USH1C: variants seen among roughly 807,000 people sequenced by gnomAD.
USH1C encodes the protein harmonin.
In USH1C, 90 loss-of-function variants were observed where a neutral mutation model predicts 119.3. The ratio of observed to expected loss-of-function variants is 0.75; its 90% CI spans 0.64 to 0.90. The LOEUF is 0.90. Ranked by LOEUF, USH1C falls within the 40% of genes least tolerant of loss-of-function variation. The pLI is 0.00. For synonymous variants in USH1C, 465 were observed against 443.3 expected, an observed-to-expected ratio of 1.05 and a Z score of -0.62; for missense variants, 1,165 against 1,167.7, an observed-to-expected ratio of 1.00 and a Z score of 0.03.
intron 15 of USH1C, among the ~76,000 whole-genome samples, chr11:17,513,930 G>A (rs1850020007): frequency 6.6e-6 from 1 of 152,244 alleles, no homozygotes; most frequent in African/African-American, 2.4e-5. Flanking sequence ...AGTCATATCT[G>A]TACAGATGCA....
chr11:17,502,822 C>T (rs1281000757), intron 20 of USH1C, among the ~76,000 whole-genome samples: 1 of 152,156 alleles, frequency 6.6e-6, no homozygotes, highest in Non-Finnish European at 1.5e-5. Flanking sequence ...GGCTGAGGGG[C>T]CAGGATGCTA....
chr11:17,525,282 C>T (rs77882059), intron 8 of USH1C, among the ~76,000 whole-genome samples: 2,225 of 152,270 alleles, frequency 0.015, 67 homozygotes, highest in African/African-American at 0.049. Flanking sequence ...TCCCTATCAC[C>T]CTATATTATA....
chr11:17,537,710 G>C (rs890914747), intron 1 of USH1C, among the ~76,000 whole-genome samples: 3 of 152,190 alleles, frequency 2.0e-5, no homozygotes, highest in African/African-American at 4.8e-5. Flanking sequence ...CTCTTCTAGA[G>C]TCTGGAGCCT....
intron 14 of USH1C, among the ~76,000 whole-genome samples, chr11:17,519,780 T>A (rs1850333125): frequency 6.6e-6 from 1 of 152,186 alleles, no homozygotes; most frequent in Admixed American, 6.5e-5. Flanking sequence ...TGGGAGCTGT[T>A]TGACTGCACC....
rs1851000284 is a variant in USH1C at position 17,531,819 on chromosome 11, C to T, written c.105-277G>A. Among the ~76,000 whole-genome samples, 1 of 152,196 alleles carries T rather than the reference C, an allele frequency of 6.6e-6. No homozygotes were observed. Among genetic ancestry groups the T allele is most frequent in the African/African-American group, 2.4e-5 (1 of 41,444 alleles). On this transcript the variant is annotated intron_variant, in intron 2 of 26. Transcript: ENST00000005226. This position sits in a 1 kb window ranked among gnomAD's most constrained non-coding sequence, Gnocchi z 4.2. ...TCAAACTCAGCGCTGCCTATCTCGG[C>T]TGTTGGGATCTTTCCAGAGGGGAAA... is the stretch of plus-strand genomic sequence containing the variant.
At position 17,544,356 on chromosome 11, in the gene USH1C, G is replaced by T; in HGVS notation, c.-49C>A. On this transcript the variant is annotated 5_prime_UTR_variant, in exon 1 of 27. Coordinates refer to ENST00000005226, the MANE Select transcript of USH1C (RefSeq NM_153676.4). ...CGTTGCACGACCCGTTCCTTCGGGT[G>T]CCCGGCTGCCAGGAGCTGGAAAGAG... 6 of 1,612,690 alleles carry T rather than the reference G, an allele frequency of 3.7e-6. No individual in the cohort carries two copies. The highest frequency in any genetic ancestry group is 5.1e-6 in the Non-Finnish European group (6 of 1,179,286).
chr11:17,509,839 C>G lies in USH1C; in HGVS notation c.1531-1G>C. On this transcript the variant is annotated splice_acceptor_variant, in intron 17 of 26. Coordinates refer to ENST00000005226, the MANE Select transcript of USH1C (RefSeq NM_153676.4). LOFTEE classifies it high-confidence loss of function. Reference sequence around the variant, plus strand: ...GGGGAGGCGGGGGCCCTGTGGTCATCTGGGGGTGTTGCAAGGAAGTTCTGT... The same window carrying G: ...GGGGAGGCGGGGGCCCTGTGGTCATGTGGGGGTGTTGCAAGGAAGTTCTGT... 6.3e-7 allele frequency: 1 copy of G among 1,591,984 alleles called. No homozygotes were observed. The highest frequency in any genetic ancestry group is 1.3e-5 in the African/African-American group (1 of 74,924).
rs1253861271 is a variant in USH1C at position 17,534,252 on chromosome 11, G to A, written c.37-930C>T. 4.6e-5 allele frequency among the ~76,000 whole-genome samples: 7 copies of A among 152,316 alleles called. No individual in the cohort carries two copies. In the South Asian group the frequency reaches 6.2e-4, roughly 14 times the overall value. ...GAAGCTGCATGCTCTCCACTGACTC[G>A]TCCTCAGAAGAGGGCCAGAGCAGCG... is the stretch of plus-strand genomic sequence containing the variant. On this transcript the variant is annotated intron_variant, in intron 1 of 26. Transcript: ENST00000005226.
At chr11:17,538,479 G>C (rs754915435) in intron 1 of USH1C, among the ~76,000 whole-genome samples, 2 of 152,188 alleles carry the variant, frequency 1.3e-5, no homozygotes, top group Non-Finnish European at 2.9e-5. Context: ...TGTGCACCCA[G>C]CCAAACAGGG....
At chr11:17,528,027 A>G (rs1454008273) in intron 4 of USH1C, among the ~76,000 whole-genome samples, 4 of 152,208 alleles carry the variant, frequency 2.6e-5, no homozygotes, top group Non-Finnish European at 5.9e-5. Flanking sequence ...ATTATTAGCT[A>G]TATGACCTTG....
In USH1C at chr11:17,510,402, T is replaced by C; in HGVS notation, c.1530+3A>G. 1 of 1,610,108 alleles carries C rather than the reference T, an allele frequency of 6.2e-7. No homozygotes were observed. On this transcript the variant is annotated splice_donor_region_variant and intron_variant, in intron 17 of 26. Coordinates refer to ENST00000005226, the MANE Select transcript of USH1C (RefSeq NM_153676.4). ...GTCTATGTGGAAAGAAGGGCTCTGT[T>C]ACCTCTGAAATCTCATTATCAGCAG...
At position 17,509,166 on chromosome 11, in the gene USH1C, C is replaced by T. The variant is rs1014526395; in HGVS notation, c.2013+190G>A. 1.4e-4 allele frequency among the ~76,000 whole-genome samples: 22 copies of T among 152,192 alleles called. 1 individual carries two copies. Among genetic ancestry groups the T allele is most frequent in the Admixed American group, 3.9e-4 (6 of 15,288 alleles). ...CCATTCACCATACAATACAGCACTT[C>T]AAAATCAGTGAGAACCACCATATAC... On this transcript the variant is annotated intron_variant, in intron 18 of 26. Transcript: ENST00000005226.
intron 1 of USH1C, among the ~76,000 whole-genome samples, chr11:17,534,315 A>G (rs1851138637): frequency 6.6e-6 from 1 of 152,196 alleles, no homozygotes. Context: ...GTTCTGGAAG[A>G]CCGGGGCAGT....
chr11:17,513,149 C>T (rs570474968), intron 15 of USH1C, among the ~76,000 whole-genome samples: 7 of 152,264 alleles, frequency 4.6e-5, no homozygotes, highest in South Asian at 2.1e-4. Context: ...CCTGAGTCTT[C>T]GAGGTCCTAG....
At chr11:17,506,304 C>T (rs1402799279) in intron 18 of USH1C, among the ~76,000 whole-genome samples, 2 of 152,196 alleles carry the variant, frequency 1.3e-5, no homozygotes, top group Non-Finnish European at 2.9e-5. Context: ...AGGGCTGTCT[C>T]TTTGGCCACA....
chr11:17,542,779 T>C (rs561566647), intron 1 of USH1C, among the ~76,000 whole-genome samples: 1 of 152,240 alleles, frequency 6.6e-6, no homozygotes, highest in Non-Finnish European at 1.5e-5. Context: ...GCCTGAAATC[T>C]ACACTCACAA....
At chr11:17,514,911 T>A (rs1209219256) in intron 15 of USH1C, among the ~76,000 whole-genome samples, 1 of 152,142 alleles carries the variant, frequency 6.6e-6, no homozygotes, top group Non-Finnish European at 1.5e-5. Flanking sequence ...CAACAGCACT[T>A]TCAAGGACAT....
chr11:17,496,782 G>A lies in USH1C; in HGVS notation c.2522C>T (p.Pro841Leu). ...DWIDLVVAVCPPKEYDDELAS... is the reference protein window; with the variant it reads ...DWIDLVVAVCLPKEYDDELAS... Reference sequence around the variant, plus strand: ...CAGCTCATCGTCATACTCCTTTGGGGGGCAGACGGCAACCACAAGGTCGAT... The same window carrying A: ...CAGCTCATCGTCATACTCCTTTGGGAGGCAGACGGCAACCACAAGGTCGAT... Residue 841 changes from proline (P) to leucine (L), a missense_variant, in exon 25 of 27, where the codon CCC becomes CTC. Physicochemically the swap from Pro to Leu is moderately conservative, Grantham distance 98. Transcript: ENST00000005226. The A allele has an allele frequency of 3.7e-6, 6 of 1,614,202 alleles. No individual in the cohort carries two copies. The highest frequency in any genetic ancestry group is 3.3e-4 in the Middle Eastern group (2 of 6,062).
In USH1C at chr11:17,527,048, A is replaced by G; in HGVS notation, c.497-8T>C. On this transcript the variant is annotated splice_polypyrimidine_tract_variant and splice_region_variant and intron_variant, in intron 5 of 26. Coordinates refer to ENST00000005226, the MANE Select transcript of USH1C (RefSeq NM_153676.4). ...CGGGGATCAGGCCGATGTCTGCGGGAGAAAGGCACAGGGGTTAGGACAGCT... is the reference window on the plus strand; with the variant it reads ...CGGGGATCAGGCCGATGTCTGCGGGGGAAAGGCACAGGGGTTAGGACAGCT... The G allele has an allele frequency of 6.4e-7, 1 of 1,553,216 alleles. No homozygotes were observed. The highest frequency in any genetic ancestry group is 8.7e-7 in the Non-Finnish European group (1 of 1,147,928).
Sources: allele counts gnomAD v4.1 joint callset (sites outside exome capture counted in the v4.1 genomes callset), GRCh38; gene constraint gnomAD v4.1.1; non-coding constraint Gnocchi (gnomAD v3.1); transcripts MANE v1.5; gene names NCBI Gene and HGNC (gene_info 2026-07-23, HGNC 2026-07-21).